CHSY1: variants seen among roughly 807,000 people sequenced by gnomAD.
CHSY1 encodes the protein N-acetylgalactosaminyl-proteoglycan 3-beta-glucuronosyltransferase 1.
Under a neutral mutation model 59.8 loss-of-function variants are expected in CHSY1, and 13 were observed. The observed-to-expected ratio is 0.22, with a 90% confidence interval of 0.14 to 0.35. The LOEUF (loss-of-function observed/expected upper bound fraction) is 0.35, where lower values mean the gene tolerates loss of function less well. Among genes scored for constraint, CHSY1 ranks in the 10% least tolerant of loss-of-function variants. The pLI is 1.00. For missense variants in CHSY1, 947 were observed against 1,030.6 expected (o/e 0.92, Z 1.11); for synonymous variants, 459 against 401.2 (o/e 1.14, Z -1.72).
Position 101,176,392 on chromosome 15 carries a change from G to C in CHSY1, c.*996C>G, listed in dbSNP as rs561678409. On this transcript the variant is annotated 3_prime_UTR_variant, in exon 3 of 3. Coordinates refer to ENST00000254190, the MANE Select transcript of CHSY1 (RefSeq NM_014918.5). Reference sequence around the variant, plus strand: ...TGTATGTGTGTATGTTTCAGTCTGTGTACATCAGATTTATTGTAATAATTC... The same window carrying C: ...TGTATGTGTGTATGTTTCAGTCTGTCTACATCAGATTTATTGTAATAATTC... 2.5e-6 allele frequency: 1 copy of C among 398,528 alleles called. No individual in the cohort carries two copies. Among genetic ancestry groups the C allele is most frequent in the Non-Finnish European group, 4.4e-6 (1 of 226,046 alleles). The allele number at this position is 398,528 out of a possible 1,614,324, so 24.7% of individuals were successfully genotyped here. A position where few individuals can be genotyped will look rare whatever the true frequency, so the allele number is the denominator to read the frequency against.
chr15:101,200,163 A>G (rs184618162), intron 2 of CHSY1, among the ~76,000 whole-genome samples: 1 of 152,380 alleles, frequency 6.6e-6, no homozygotes, highest in Admixed American at 6.5e-5. Flanking sequence ...GTTGAATAAG[A>G]CGAAATGCTG....
intron 1 of CHSY1, among the ~76,000 whole-genome samples, chr15:101,247,727 T>A (rs548053726): frequency 1.2e-4 from 19 of 152,198 alleles, no homozygotes; most frequent in Non-Finnish European, 1.5e-4. Flanking sequence ...TGCTATCAGC[T>A]GTCACTGCCC....
intron 1 of CHSY1, among the ~76,000 whole-genome samples, chr15:101,241,445 G>C (rs1447399914): frequency 5.3e-5 from 8 of 152,168 alleles, no homozygotes; most frequent in Admixed American, 3.3e-4. Flanking sequence ...GGTATATTTA[G>C]AGCTGGAAAA....
intron 2 of CHSY1, among the ~76,000 whole-genome samples, chr15:101,207,671 T>C (rs1220214274): frequency 6.6e-6 from 1 of 152,222 alleles, no homozygotes; most frequent in Non-Finnish European, 1.5e-5. Context: ...TTCCAGAATA[T>C]ACTATCCAAG....
chr15:101,206,905 A>T (rs1031038903), intron 2 of CHSY1, among the ~76,000 whole-genome samples: 2 of 152,304 alleles, frequency 1.3e-5, no homozygotes, highest in African/African-American at 2.4e-5. Context: ...TTTATCTCAT[A>T]AAAAAAGTCT....
intron 1 of CHSY1, among the ~76,000 whole-genome samples, chr15:101,250,873 G>A (rs2039101179): frequency 6.6e-6 from 1 of 152,176 alleles, no homozygotes; most frequent in African/African-American, 2.4e-5. Flanking sequence ...AGGCTAAAGT[G>A]CCTTCATCAG....
intron 2 of CHSY1, among the ~76,000 whole-genome samples, chr15:101,192,472 G>A (rs1413970071): frequency 3.3e-5 from 5 of 152,000 alleles, no homozygotes; most frequent in Admixed American, 2.0e-4. Flanking sequence ...CAGGGGTCTG[G>A]GGCAGACCAG....
intron 2 of CHSY1, among the ~76,000 whole-genome samples, chr15:101,232,337 G>A (rs2038900567): frequency 6.6e-6 from 1 of 152,134 alleles, no homozygotes. Flanking sequence ...TCATCCACAC[G>A]AAGGATTAAT....
intron 2 of CHSY1, among the ~76,000 whole-genome samples, chr15:101,192,040 T>C (rs147331151): frequency 6.6e-6 from 1 of 152,336 alleles, no homozygotes; most frequent in African/African-American, 2.4e-5. Flanking sequence ...TAACACAGTA[T>C]TCTAAACTAA....
intron 2 of CHSY1, among the ~76,000 whole-genome samples, chr15:101,205,891 G>T (rs1288322275): frequency 6.6e-6 from 1 of 152,016 alleles, no homozygotes; most frequent in African/African-American, 2.4e-5. Flanking sequence ...GGCGGAGCTT[G>T]CAGTGAGCCG....
At chr15:101,230,061 C>A (rs1295978406) in intron 2 of CHSY1, among the ~76,000 whole-genome samples, 1 of 151,612 alleles carries the variant, frequency 6.6e-6, no homozygotes, top group East Asian at 2.0e-4. Context: ...CCTGCCTCAG[C>A]CTCCAGAGTA....
chr15:101,196,477 T>C (rs2038508493), intron 2 of CHSY1, among the ~76,000 whole-genome samples: 1 of 152,064 alleles, frequency 6.6e-6, no homozygotes. Context: ...AAAAGAAACA[T>C]TAAACCTATT....
At chr15:101,235,705 T>C (rs1213854763) in intron 1 of CHSY1, 128 bp from the exon 2 acceptor site, 2 of 1,025,122 alleles carry the variant, frequency 2.0e-6, no homozygotes, top group Admixed American at 4.1e-5. Context: ...GCCTGCTTGG[T>C]TCCTCTTAAC....
chr15:101,204,118 C>A (rs531201243), intron 2 of CHSY1, among the ~76,000 whole-genome samples: 1 of 152,146 alleles, frequency 6.6e-6, no homozygotes, highest in Non-Finnish European at 1.5e-5. Context: ...ATTATATCTG[C>A]AACTTCCAAA....
chr15:101,229,122 A>G (rs922034483), intron 2 of CHSY1, among the ~76,000 whole-genome samples: 3 of 152,226 alleles, frequency 2.0e-5, no homozygotes, highest in Admixed American at 2.0e-4. Flanking sequence ...ACAATGGTAC[A>G]CTAGGTAATA....
chr15:101,177,630 G>A lies in CHSY1; in HGVS notation c.2167C>T (p.Leu723Phe). The part of the protein sequence containing the change: ...IQGWGLEDVD[L>F]FNKVVQAGLK... ...CCTGCCTGGACAACCTTGTTGAAAA[G>A]GTCCACATCCTCCAGCCCCCAGCCT... The change falls in exon 3 of 3, where the codon CTT becomes TTT. Residue 723 changes from leucine to phenylalanine, a missense_variant. By Grantham distance (22) the Leu-to-Phe change is conservative. Around this residue, in one of 4 missense-constraint regions of CHSY1, gnomAD observed 602 missense variants for 676.9 expected, o/e 0.89. Transcript: ENST00000254190. 6.2e-7 allele frequency: 1 copy of A among 1,614,138 alleles called. No individual in the cohort carries two copies. The highest frequency in any genetic ancestry group is 8.5e-7 in the Non-Finnish European group (1 of 1,180,030).
At chr15:101,249,491 C>G (rs954400670) in intron 1 of CHSY1, among the ~76,000 whole-genome samples, 4 of 146,680 alleles carry the variant, frequency 2.7e-5, no homozygotes, top group African/African-American at 7.6e-5. Context: ...GTATCTCTAT[C>G]TATCGATCGA....
At chr15:101,186,605 A>G (rs2038369276) in intron 2 of CHSY1, 1 of 152,006 alleles carries the variant, frequency 6.6e-6, no homozygotes, top group African/African-American at 2.4e-5. Context: ...GGGATTCAAG[A>G]TGAGCTTGGG....
intron 1 of CHSY1, among the ~76,000 whole-genome samples, chr15:101,238,811 T>C (rs2038973252): frequency 6.6e-6 from 1 of 152,240 alleles, no homozygotes; most frequent in Admixed American, 6.5e-5. Flanking sequence ...TTCTAGGTAC[T>C]GCACTTCATT....
Sources: allele counts gnomAD v4.1 joint callset (sites outside exome capture counted in the v4.1 genomes callset), GRCh38; gene constraint gnomAD v4.1.1; regional missense constraint gnomAD v4.1.1; transcripts MANE v1.5; gene names NCBI Gene and HGNC (gene_info 2026-07-23, HGNC 2026-07-21).